RBPMS2: variants seen among roughly 807,000 people sequenced by gnomAD.
RBPMS2 encodes RNA-binding protein with multiple splicing 2.
In RBPMS2, 14 loss-of-function variants were observed where a neutral mutation model predicts 25.7. The observed-to-expected ratio is 0.55, with a 90% CI of 0.36 to 0.85. RBPMS2 has a LOEUF of 0.85. Among genes scored for constraint, RBPMS2 ranks in the 40% least tolerant of loss-of-function variants. The probability of loss-of-function intolerance (pLI) is 0.01; values close to 1 mark genes in which losing one functional copy is unlikely to be tolerated. For synonymous variants in RBPMS2, 127 were observed against 115.6 expected (o/e 1.10, Z -0.63); for missense variants, 252 against 283.4 (o/e 0.89, Z 0.80).
intron 1 of RBPMS2, among the ~76,000 whole-genome samples, chr15:64,769,100 CAAAAAAAA>C (rs1167404963): frequency 2.2e-4 from 6 of 27,688 alleles, no homozygotes; most frequent in Non-Finnish European, 3.0e-4. Flanking sequence ...GACTTCGTCT[CAAAAAAAA>C]AAAAAAAAAA....
chr15:64,743,988 C>A (rs540023828), intron 6 of RBPMS2, among the ~76,000 whole-genome samples: 2 of 152,176 alleles, frequency 1.3e-5, no homozygotes, highest in African/African-American at 4.8e-5. Flanking sequence ...CACCTGTAAT[C>A]CCAGCAATTT....
chr15:64,771,446 G>A (rs1188352353), intron 1 of RBPMS2, among the ~76,000 whole-genome samples: 3 of 152,114 alleles, frequency 2.0e-5, no homozygotes, highest in African/African-American at 7.2e-5. Flanking sequence ...ACTTTGGGAG[G>A]CCGAGCTGGA....
chr15:64,755,442 C>A lies in RBPMS2; in HGVS notation c.88-3804G>T, dbSNP rs73473036. Among the ~76,000 whole-genome samples, 395 of 152,204 alleles carry A rather than the reference C, an allele frequency of 2.6e-3. 2 individuals carry two copies. The highest frequency in any genetic ancestry group is 9.1e-3 in the African/African-American group (379 of 41,538). On this transcript the variant is annotated intron_variant, in intron 1 of 7. Coordinates refer to ENST00000300069, the MANE Select transcript of RBPMS2 (RefSeq NM_194272.3). ...CTTGGTTCCTACTAGATTCCAGCCA[C>A]CCCAGCAGATGACATCTTAAAGCCC... is the stretch of plus-strand genomic sequence containing the variant.
chr15:64,772,320 C>T (rs763121708), intron 1 of RBPMS2, among the ~76,000 whole-genome samples: 3 of 152,162 alleles, frequency 2.0e-5, no homozygotes, highest in Non-Finnish European at 4.4e-5. Context: ...GGTTCATGTA[C>T]TGTATTACCT....
At chr15:64,753,611 A>G (rs1459980099) in intron 1 of RBPMS2, among the ~76,000 whole-genome samples, 5 of 152,164 alleles carry the variant, frequency 3.3e-5, no homozygotes, top group Non-Finnish European at 7.4e-5. Context: ...ACTCTCAGCC[A>G]TGGTGAAGAC....
chr15:64,773,500 T>C (rs530472093), intron 1 of RBPMS2, among the ~76,000 whole-genome samples: 11 of 152,308 alleles, frequency 7.2e-5, no homozygotes, highest in African/African-American at 2.6e-4. Flanking sequence ...ATAGTAGGGA[T>C]TCCACTTTTT....
At position 64,751,633 on chromosome 15, in the gene RBPMS2, C is replaced by T. The variant is rs773589637; in HGVS notation, c.93G>A (p.Arg31=). The T allele has an allele frequency of 1.9e-6, 3 of 1,613,872 alleles. No homozygotes were observed. The highest frequency in any genetic ancestry group is 3.3e-5 in the Admixed American group (2 of 59,998). The change falls in exon 2 of 8, where the codon CGG becomes CGA. Residue 31 remains arginine (R), a synonymous_variant. Coordinates refer to ENST00000300069, the MANE Select transcript of RBPMS2 (RefSeq NM_194272.3). ...CAGGGAGGCCGCTGACAAACAGTGT[C>T]CGGACCTGGAGACAGAGACCAGTGA... ...GSGGALEEEV[R]TLFVSGLPVD...
chr15:64,742,201 A>G (rs2083569459), intron 6 of RBPMS2, among the ~76,000 whole-genome samples: 1 of 152,168 alleles, frequency 6.6e-6, no homozygotes, highest in Non-Finnish European at 1.5e-5. Flanking sequence ...AACAAAACCC[A>G]AAGTCCGTGT....
chr15:64,751,387 G>A (rs2083678426), intron 2 of RBPMS2, among the ~76,000 whole-genome samples, 174 bp downstream of exon 2: 1 of 151,824 alleles, frequency 6.6e-6, no homozygotes, highest in Non-Finnish European at 1.5e-5. Flanking sequence ...AGGAAACAGA[G>A]GCTCAGAAGG....
chr15:64,755,642 G>C (rs1437925076), intron 1 of RBPMS2, among the ~76,000 whole-genome samples: 1 of 152,158 alleles, frequency 6.6e-6, no homozygotes, highest in African/African-American at 2.4e-5. Context: ...GGGTGGGTAA[G>C]TGCTGCCATC....
At chr15:64,768,351 T>C (rs1012232079) in intron 1 of RBPMS2, among the ~76,000 whole-genome samples, 1 of 151,652 alleles carries the variant, frequency 6.6e-6, no homozygotes, top group Non-Finnish European at 1.5e-5. Flanking sequence ...TACAAAAAAT[T>C]AGCCGAGGCC....
intron 1 of RBPMS2, 77 bp from the exon 2 acceptor site, chr15:64,751,715 G>T: frequency 8.3e-7 from 1 of 1,205,432 alleles, no homozygotes; most frequent in Non-Finnish European, 1.2e-6. Context: ...CTTCAGGCAG[G>T]CAACTGGAAT....
intron 1 of RBPMS2, 53 bp from the exon 2 acceptor site, chr15:64,751,691 G>A: frequency 6.8e-7 from 1 of 1,465,886 alleles, no homozygotes; most frequent in East Asian, 2.3e-5. Flanking sequence ...GGACAGGGAT[G>A]ACAACAGCGC....
chr15:64,742,502 T>A (rs2083572064), intron 6 of RBPMS2, among the ~76,000 whole-genome samples: 2 of 152,160 alleles, frequency 1.3e-5, no homozygotes, highest in African/African-American at 4.8e-5. Flanking sequence ...GCACGTTCCC[T>A]CCTCCCTGTG....
At chr15:64,743,361 C>T (rs2083582057) in intron 6 of RBPMS2, among the ~76,000 whole-genome samples, 1 of 152,272 alleles carries the variant, frequency 6.6e-6, no homozygotes, top group African/African-American at 2.4e-5. Flanking sequence ...CAGCGACTTT[C>T]CCTCCAGCCT....
At chr15:64,764,613 G>A (rs530944205) in intron 1 of RBPMS2, among the ~76,000 whole-genome samples, 1 of 152,278 alleles carries the variant, frequency 6.6e-6, no homozygotes, top group South Asian at 2.1e-4. Flanking sequence ...ATATGGCCAC[G>A]ACTGTACAGC....
At chr15:64,756,499 A>C (rs1048278608) in intron 1 of RBPMS2, among the ~76,000 whole-genome samples, 1 of 150,478 alleles carries the variant, frequency 6.6e-6, no homozygotes, top group African/African-American at 2.5e-5. Context: ...CCTGGGCAGG[A>C]GAGCAAGACC....
chr15:64,770,999 C>T (rs1280886817), intron 1 of RBPMS2, among the ~76,000 whole-genome samples: 1 of 152,178 alleles, frequency 6.6e-6, no homozygotes, highest in Non-Finnish European at 1.5e-5. Context: ...GGGCAAAGCC[C>T]CTCAGGTCAA....
At chr15:64,775,151 A>C in intron 1 of RBPMS2, 82 bp downstream of exon 1, 97 of 637,994 alleles carry the variant, frequency 1.5e-4, no homozygotes, top group East Asian at 2.7e-4. Context: ...CGGCCCCGCG[A>C]GGCGCGGCAG....
Sources: gnomAD v4.1 joint callset for allele counts (sites outside exome capture counted in the v4.1 genomes callset) on GRCh38, gnomAD v4.1.1 for gene constraint, MANE v1.5 for transcripts, NCBI Gene and HGNC (gene_info 2026-07-23, HGNC 2026-07-21) for gene names.